The following SPOCK3 variants were observed in gnomAD, a reference collection of about 807,000 sequenced individuals.
SPOCK3 encodes testican-3.
In SPOCK3, 30 loss-of-function variants were observed where a neutral mutation model predicts 56.6. That is an observed-to-expected ratio of 0.53 (90% CI 0.40 to 0.72). The LOEUF (loss-of-function observed/expected upper bound fraction) is 0.72. Among genes scored for constraint, SPOCK3 ranks in the 30% least tolerant of loss-of-function variants. SPOCK3 has a pLI of 0.00. For synonymous variants in SPOCK3, 196 were observed against 183.3 expected (o/e 1.07, Z -0.56); for missense variants, 527 against 530.0 (o/e 0.99, Z 0.06).
intron 2 of SPOCK3, among the ~76,000 whole-genome samples, chr4:167,106,310 T>C (rs1202851346): frequency 6.6e-6 from 1 of 151,698 alleles, no homozygotes; most frequent in Non-Finnish European, 1.5e-5. Flanking sequence ...GCAATAAAAC[T>C]AGAAATCAAT....
At chr4:166,889,088 G>A in intron 6 of SPOCK3, 42 bp downstream of exon 6, 1 of 1,205,454 alleles carries the variant, frequency 8.3e-7, no homozygotes, top group South Asian at 1.2e-5. Flanking sequence ...TTTTAGTAGA[G>A]AGTGATGAAT....
chr4:167,210,107 A>C, intron 2 of SPOCK3, among the ~76,000 whole-genome samples: 1 of 152,158 alleles, frequency 6.6e-6, no homozygotes, highest in Admixed American at 6.6e-5. Context: ...TAGTCCTAAC[A>C]ATTTTCAGTC....
chr4:167,075,669 G>A (rs1266951965), intron 2 of SPOCK3, among the ~76,000 whole-genome samples: 1 of 151,860 alleles, frequency 6.6e-6, no homozygotes, highest in Non-Finnish European at 1.5e-5. Flanking sequence ...TAGAAATGAA[G>A]TCTTACTGTA....
chr4:167,152,546 A>G (rs2150419301), intron 2 of SPOCK3, among the ~76,000 whole-genome samples: 1 of 152,318 alleles, frequency 6.6e-6, no homozygotes, highest in Admixed American at 6.5e-5. Flanking sequence ...TCTGTGTGAT[A>G]AAAGCAACAC....
chr4:166,806,380 G>A (rs1361534926), intron 6 of SPOCK3, among the ~76,000 whole-genome samples: 1 of 151,854 alleles, frequency 6.6e-6, no homozygotes, highest in East Asian at 1.9e-4. Context: ...GTTTTAACAA[G>A]GTCATCTCCC....
chr4:166,854,554 A>G (rs1730462387), intron 6 of SPOCK3, among the ~76,000 whole-genome samples: 1 of 152,218 alleles, frequency 6.6e-6, no homozygotes, highest in Non-Finnish European at 1.5e-5. Context: ...TGTCAATCAT[A>G]TTATAGACTG....
At chr4:166,777,922 T>C (rs1363302371) in intron 7 of SPOCK3, among the ~76,000 whole-genome samples, 1 of 152,166 alleles carries the variant, frequency 6.6e-6, no homozygotes, top group Non-Finnish European at 1.5e-5. Flanking sequence ...ATACTTATGC[T>C]TAATTGCTGA....
chr4:166,943,395 G>A (rs1047737073), intron 4 of SPOCK3, among the ~76,000 whole-genome samples: 1 of 152,234 alleles, frequency 6.6e-6, no homozygotes, highest in African/African-American at 2.4e-5. Context: ...AAGTTAAAAA[G>A]AGATATAATA....
At chr4:166,928,969 AAACAAC>A (rs144684053) in intron 4 of SPOCK3, among the ~76,000 whole-genome samples, 2 of 151,648 alleles carry the variant, frequency 1.3e-5, no homozygotes, top group Non-Finnish European at 2.9e-5. Flanking sequence ...CTCTGCCTCA[AAACAAC>A]AACAACAACA....
At chr4:166,917,072 C>T (rs1247413207) in intron 4 of SPOCK3, among the ~76,000 whole-genome samples, 1 of 151,886 alleles carries the variant, frequency 6.6e-6, no homozygotes, top group African/African-American at 2.4e-5. Flanking sequence ...ATATGATAAC[C>T]AATGAATGAA....
intron 3 of SPOCK3, among the ~76,000 whole-genome samples, chr4:167,029,093 C>T (rs996421648): frequency 3.9e-5 from 6 of 152,050 alleles, no homozygotes; most frequent in Non-Finnish European, 5.9e-5. Flanking sequence ...AGACAGGCCC[C>T]AGTGTGTGTT....
intron 4 of SPOCK3, among the ~76,000 whole-genome samples, chr4:166,957,809 T>C (rs1183047532): frequency 6.6e-6 from 1 of 152,216 alleles, no homozygotes; most frequent in Non-Finnish European, 1.5e-5. Context: ...GGAGTATTTA[T>C]CCAATGTCTA....
Position 166,736,020 on chromosome 4 carries a change from G to A in SPOCK3, c.1133-930C>T, listed in dbSNP as rs143277438. ...ACTTTTCAACTCCTCAAATGCTAGCGTGGATTTATTTTATACTCTTTCTAA... is the reference window on the plus strand; with the variant it reads ...ACTTTTCAACTCCTCAAATGCTAGCATGGATTTATTTTATACTCTTTCTAA... On this transcript the variant is annotated intron_variant, in intron 10 of 10. Transcript: ENST00000357545. Among the ~76,000 whole-genome samples the A allele has an allele frequency of 4.2e-3, 633 of 152,068 alleles. 3 individuals are homozygous for A. The highest frequency in any genetic ancestry group is 6.3e-3 in the Non-Finnish European group (427 of 67,936).
intron 2 of SPOCK3, among the ~76,000 whole-genome samples, chr4:167,078,900 T>G (rs1216120432): frequency 6.6e-6 from 1 of 151,946 alleles, no homozygotes; most frequent in Non-Finnish European, 1.5e-5. Context: ...GCTCCCTGTA[T>G]GCCTGGAGCT....
At chr4:167,180,338 G>C (rs1303005329) in intron 2 of SPOCK3, among the ~76,000 whole-genome samples, 2 of 152,092 alleles carry the variant, frequency 1.3e-5, no homozygotes, top group Admixed American at 1.3e-4. Flanking sequence ...TTAGCAGCAG[G>C]AACACCTGAA....
intron 2 of SPOCK3, among the ~76,000 whole-genome samples, chr4:167,081,050 C>A (rs1757664913): frequency 1.3e-5 from 2 of 151,446 alleles, no homozygotes; most frequent in South Asian, 4.2e-4. Flanking sequence ...ATGATGATAT[C>A]CTATATTCTT....
chr4:166,763,432 G>C (rs1205152215), intron 7 of SPOCK3, among the ~76,000 whole-genome samples: 5 of 152,068 alleles, frequency 3.3e-5, no homozygotes, highest in Admixed American at 1.3e-4. Context: ...TACCATGACA[G>C]AGAATGTAAT....
intron 6 of SPOCK3, among the ~76,000 whole-genome samples, chr4:166,887,001 C>G (rs185222991): frequency 6.6e-6 from 1 of 152,112 alleles, no homozygotes; most frequent in Non-Finnish European, 1.5e-5. Context: ...ATTCTTCTTG[C>G]CTCTCTTTCT....
intron 2 of SPOCK3, among the ~76,000 whole-genome samples, chr4:167,212,111 A>G (rs182286690): frequency 1.4e-3 from 206 of 152,308 alleles, no homozygotes; most frequent in African/African-American, 4.8e-3. Context: ...AATATAAACA[A>G]ACACATAATA....
Sources: gnomAD v4.1 joint callset for allele counts (sites outside exome capture counted in the v4.1 genomes callset) on GRCh38, gnomAD v4.1.1 for gene constraint, MANE v1.5 for transcripts, NCBI Gene and HGNC (gene_info 2026-07-23, HGNC 2026-07-21) for gene names.